The following TASP1 variants were observed in gnomAD, a reference collection of about 807,000 sequenced individuals.
TASP1 encodes threonine aspartase 1.
In TASP1, 16 loss-of-function variants were observed where a neutral mutation model predicts 56.6. The observed-to-expected ratio is 0.28, with a 90% CI of 0.19 to 0.43. The LOEUF (loss-of-function observed/expected upper bound fraction) is 0.43. Ranked by LOEUF, TASP1 falls within the 20% of genes least tolerant of loss-of-function variation. The probability of loss-of-function intolerance (pLI) is 1.00; values close to 1 mark genes in which losing one functional copy is unlikely to be tolerated. For missense variants in TASP1, 393 were observed against 511.6 expected, an observed-to-expected ratio of 0.77 and a Z score of 2.24; for synonymous variants, 179 against 184.2, an observed-to-expected ratio of 0.97 and a Z score of 0.23.
At chr20:13,343,891 AGC>A in the TASP1 span, among the ~76,000 whole-genome samples, 5 of 108,628 alleles carry the variant, frequency 4.6e-5, no homozygotes, top group Admixed American at 5.4e-4. Flanking sequence ...CTGACTGGGC[AGC>A]CAGCCCAGTT....
At chr20:13,273,818 T>C in the TASP1 span, among the ~76,000 whole-genome samples, 1 of 152,220 alleles carries the variant, frequency 6.6e-6, no homozygotes, top group Non-Finnish European at 1.5e-5. Context: ...TTATTCTATT[T>C]CTGCTCTATA....
In TASP1 at chr20:13,390,021, G is replaced by C; in HGVS notation, c.*339C>G. 3 of 206,568 alleles carry C rather than the reference G, an allele frequency of 1.5e-5. No homozygotes were observed. The highest frequency in any genetic ancestry group is 3.0e-5 in the Non-Finnish European group (3 of 100,908). 12.8% of individuals were successfully genotyped at this position (206,568 alleles called of 1,614,324 possible). A position where few individuals can be genotyped will look rare whatever the true frequency, so the allele number is the denominator to read the frequency against. On this transcript the variant is annotated 3_prime_UTR_variant, in exon 14 of 14. Coordinates refer to ENST00000337743, the MANE Select transcript of TASP1 (RefSeq NM_017714.3). ...TTTCCTGCAACTTTAGGTTTTACTTGTAAACAGTTAAAGCACACATTTTGT... is the reference window on the plus strand; with the variant it reads ...TTTCCTGCAACTTTAGGTTTTACTTCTAAACAGTTAAAGCACACATTTTGT...
At position 13,450,317 on chromosome 20, in the gene TASP1, C is replaced by A. The variant is rs1439206745; in HGVS notation, c.986-15163G>T. Reference sequence around the variant, plus strand: ...GAAGACTGAGGTGGCTGTGACAATTCCTTAAAATAAGATGGCAATGAAGTT... The same window carrying A: ...GAAGACTGAGGTGGCTGTGACAATTACTTAAAATAAGATGGCAATGAAGTT... On this transcript the variant is annotated intron_variant, in intron 11 of 13. Transcript: ENST00000337743. Among the ~76,000 whole-genome samples, 4 of 151,988 alleles carry A rather than the reference C, an allele frequency of 2.6e-5. No individual in the cohort carries two copies. The East Asian group carries it at 7.7e-4, about 29-fold the overall frequency.
the TASP1 span, among the ~76,000 whole-genome samples, chr20:13,310,370 A>AC: frequency 6.6e-6 from 1 of 152,164 alleles, no homozygotes; most frequent in Non-Finnish European, 1.5e-5. Flanking sequence ...CTGGATATCC[A>AC]CCTGCAGAAG....
chr20:13,516,153 C>T (rs1253526184), intron 10 of TASP1, among the ~76,000 whole-genome samples: 1 of 152,030 alleles, frequency 6.6e-6, no homozygotes, highest in Admixed American at 6.6e-5. Context: ...ATACCAAAAA[C>T]AGCCCTGTGC....
the TASP1 span, among the ~76,000 whole-genome samples, chr20:13,308,358 T>C: frequency 1.3e-5 from 2 of 152,184 alleles, no homozygotes; most frequent in African/African-American, 4.8e-5. Context: ...AGCCAGAATT[T>C]ATACATTATT....
intron 10 of TASP1, among the ~76,000 whole-genome samples, chr20:13,489,311 C>A (rs1036471176): frequency 6.6e-6 from 1 of 152,150 alleles, no homozygotes; most frequent in African/African-American, 2.4e-5. Context: ...GAAAGAGCTA[C>A]ACATTCTTAG....
At chr20:13,444,950 G>A (rs2043349956) in intron 11 of TASP1, among the ~76,000 whole-genome samples, 1 of 152,270 alleles carries the variant, frequency 6.6e-6, no homozygotes, top group Non-Finnish European at 1.5e-5. Context: ...CCATTTTCTG[G>A]TGATAAGCAT....
At chr20:13,212,780 C>T in the TASP1 span, among the ~76,000 whole-genome samples, 16 of 152,294 alleles carry the variant, frequency 1.1e-4, no homozygotes, top group East Asian at 1.7e-3. Flanking sequence ...CATTCCAAAA[C>T]GTGTAAACAG....
intron 11 of TASP1, among the ~76,000 whole-genome samples, chr20:13,441,072 C>T (rs1349350145): frequency 3.3e-5 from 5 of 152,140 alleles, no homozygotes; most frequent in Non-Finnish European, 5.9e-5. Flanking sequence ...CCTCTTCCCT[C>T]TCCAACAAGT....
At chr20:13,327,325 C>G in the TASP1 span, among the ~76,000 whole-genome samples, 2 of 151,740 alleles carry the variant, frequency 1.3e-5, no homozygotes, top group Non-Finnish European at 2.9e-5. Flanking sequence ...CACAATGGAG[C>G]AACATTTCAT....
the TASP1 span, among the ~76,000 whole-genome samples, chr20:13,267,801 A>AG: frequency 6.6e-6 from 1 of 152,226 alleles, no homozygotes; most frequent in Non-Finnish European, 1.5e-5. Context: ...GGGAAAGGAA[A>AG]GAGAGCCTCA....
intron 11 of TASP1, among the ~76,000 whole-genome samples, chr20:13,476,723 T>C (rs2042961672): frequency 6.6e-6 from 1 of 152,124 alleles, no homozygotes; most frequent in Admixed American, 6.6e-5. Context: ...ATATAAAGCC[T>C]AGAGCCCAAG....
the TASP1 span, among the ~76,000 whole-genome samples, chr20:13,322,551 C>A: frequency 6.6e-6 from 1 of 152,178 alleles, no homozygotes; most frequent in African/African-American, 2.4e-5. Context: ...TTCTAAACAA[C>A]TTAAGAAGAT....
chr20:13,208,345 T>C, the TASP1 span, among the ~76,000 whole-genome samples: 1 of 152,216 alleles, frequency 6.6e-6, no homozygotes, highest in African/African-American at 2.4e-5. Flanking sequence ...AGCATCCCTG[T>C]TATAGGAAAA....
At chr20:13,108,044 T>A in the TASP1 span, among the ~76,000 whole-genome samples, 1 of 152,198 alleles carries the variant, frequency 6.6e-6, no homozygotes, top group Admixed American at 6.5e-5. Flanking sequence ...ATCTTATTCA[T>A]GTCACATGCT....
chr20:13,345,014 C>G, the TASP1 span, among the ~76,000 whole-genome samples: 6 of 152,140 alleles, frequency 3.9e-5, no homozygotes, highest in Non-Finnish European at 7.4e-5. Context: ...CTCCCTCCCC[C>G]ACCTCCCCAG....
At chr20:13,475,040 A>G (rs1295018125) in intron 11 of TASP1, among the ~76,000 whole-genome samples, 2 of 152,170 alleles carry the variant, frequency 1.3e-5, no homozygotes, top group Non-Finnish European at 2.9e-5. Context: ...ACACATAAAT[A>G]GAACAAACAT....
the TASP1 span, among the ~76,000 whole-genome samples, chr20:13,290,246 A>G: frequency 6.6e-6 from 1 of 152,188 alleles, no homozygotes; most frequent in African/African-American, 2.4e-5. Flanking sequence ...GAAATAAGCA[A>G]TAAATAATAA....
Sources: allele counts gnomAD v4.1 joint callset (sites outside exome capture counted in the v4.1 genomes callset), GRCh38; gene constraint gnomAD v4.1.1; transcripts MANE v1.5; gene names NCBI Gene and HGNC (gene_info 2026-07-23, HGNC 2026-07-21).